Variants in SEMA3A observed in about 807,000 individuals in gnomAD.
The protein encoded by SEMA3A is semaphorin-3A.
In SEMA3A, 29 loss-of-function variants were observed where a neutral mutation model predicts 97.9. The ratio of observed to expected loss-of-function variants is 0.30; its 90% CI spans 0.22 to 0.40. The LOEUF is 0.40. Among genes scored for constraint, SEMA3A ranks in the 10% least tolerant of loss-of-function variants. The pLI is 1.00. For synonymous variants in SEMA3A, 321 were observed against 323.7 expected, an observed-to-expected ratio of 0.99 and a Z score of 0.09; for missense variants, 763 against 951.3, an observed-to-expected ratio of 0.80 and a Z score of 2.60.
intron 15 of SEMA3A, among the ~76,000 whole-genome samples, chr7:83,970,698 T>G (rs1344042709): frequency 1.3e-5 from 2 of 152,160 alleles, no homozygotes; most frequent in South Asian, 4.1e-4. Context: ...TGCCAATTAT[T>G]TTACATATTT....
intron 3 of SEMA3A, among the ~76,000 whole-genome samples, chr7:84,216,618 T>C (rs1488167908): frequency 6.6e-6 from 1 of 152,134 alleles, no homozygotes; most frequent in Non-Finnish European, 1.5e-5. Context: ...TGTGTAACAG[T>C]CATGCCTCTG....
intron 4 of SEMA3A, among the ~76,000 whole-genome samples, chr7:84,069,724 TACA>T (rs1449701458): frequency 2.4e-5 from 3 of 122,746 alleles, no homozygotes; most frequent in South Asian, 5.5e-4. Flanking sequence ...CTCTAAAAGT[TACA>T]ACATTACATA....
At chr7:84,107,163 C>T (rs1795134413) in intron 4 of SEMA3A, among the ~76,000 whole-genome samples, 2 of 152,168 alleles carry the variant, frequency 1.3e-5, no homozygotes, top group Admixed American at 1.3e-4. Flanking sequence ...ATTTCTCACT[C>T]TCCCGATCTA....
At chr7:84,275,235 C>T (rs1292396833) in intron 3 of SEMA3A, among the ~76,000 whole-genome samples, 1 of 152,006 alleles carries the variant, frequency 6.6e-6, no homozygotes, top group Non-Finnish European at 1.5e-5. Flanking sequence ...ACTTACCAGA[C>T]ATAGATAAGA....
chr7:84,284,024 G>A (rs2115755269), intron 3 of SEMA3A, among the ~76,000 whole-genome samples: 1 of 152,202 alleles, frequency 6.6e-6, no homozygotes, highest in Middle Eastern at 3.4e-3. Flanking sequence ...TAAATGCTAA[G>A]TCGCATACAA....
intron 3 of SEMA3A, among the ~76,000 whole-genome samples, chr7:84,296,663 T>A (rs1031669284): frequency 2.6e-5 from 4 of 152,132 alleles, no homozygotes; most frequent in African/African-American, 9.7e-5. Context: ...CCTGAAACAT[T>A]TTTATGATTG....
chr7:84,287,039 G>A (rs1389715222), intron 3 of SEMA3A, among the ~76,000 whole-genome samples: 2 of 151,846 alleles, frequency 1.3e-5, no homozygotes, highest in African/African-American at 2.4e-5. Flanking sequence ...GACTCACTAT[G>A]CTTCATATCA....
chr7:84,240,160 A>G (rs1456869377), intron 3 of SEMA3A, among the ~76,000 whole-genome samples: 1 of 152,206 alleles, frequency 6.6e-6, no homozygotes, highest in East Asian at 1.9e-4. Flanking sequence ...AATGGAGAGT[A>G]AAGATGGGAG....
At chr7:83,984,608 CTTTTTTTTTTTT>C (rs371082897) in intron 13 of SEMA3A, among the ~76,000 whole-genome samples, 70 of 98,886 alleles carry the variant, frequency 7.1e-4, no homozygotes, top group African/African-American at 2.3e-3. Context: ...GATTTTTCTG[CTTTTTTTTTTTT>C]TTTTTTTTTT....
intron 4 of SEMA3A, among the ~76,000 whole-genome samples, chr7:84,074,444 GA>G: frequency 2.0e-5 from 3 of 152,150 alleles, no homozygotes; most frequent in Non-Finnish European, 4.4e-5. Context: ...CATGAATAAA[GA>G]AAGTATAATT....
intron 1 of SEMA3A, among the ~76,000 whole-genome samples, chr7:84,406,726 G>C: frequency 2.0e-5 from 3 of 152,102 alleles, no homozygotes; most frequent in Admixed American, 6.6e-5. Context: ...CTTCATCCCT[G>C]GGATGCAAGG....
intron 1 of SEMA3A, among the ~76,000 whole-genome samples, chr7:84,185,120 T>C (rs754529953): frequency 1.3e-5 from 2 of 152,174 alleles, no homozygotes; most frequent in Non-Finnish European, 2.9e-5. Flanking sequence ...GTATATGACT[T>C]TTCTTGTACT....
chr7:84,459,017 T>C (rs1805757183), intron 1 of SEMA3A, among the ~76,000 whole-genome samples: 1 of 152,088 alleles, frequency 6.6e-6, no homozygotes, highest in South Asian at 2.1e-4. Context: ...TCCCAGCTCT[T>C]AATAAAATTC....
At chr7:84,247,269 A>C (rs941481956) in intron 3 of SEMA3A, among the ~76,000 whole-genome samples, 2 of 152,134 alleles carry the variant, frequency 1.3e-5, no homozygotes, top group Non-Finnish European at 2.9e-5. Flanking sequence ...TAGCTTTACA[A>C]ATTTTTAAAA....
chr7:84,074,147 A>G (rs1341157213), intron 4 of SEMA3A, among the ~76,000 whole-genome samples: 1 of 152,178 alleles, frequency 6.6e-6, no homozygotes, highest in Admixed American at 6.6e-5. Context: ...TTATTTTTAT[A>G]AATTAAATTA....
rs557005531 is a variant in SEMA3A, at chr7:84,107,810, A to C, written c.453+2660T>G. The stretch of plus-strand genomic sequence containing the variant: ...AAAATGATAAAAATGCAAGAATAGC[A>C]TATGGCATTTTAATTTAAATGACCA... On this transcript the variant is annotated intron_variant, in intron 4 of 16. Coordinates refer to ENST00000265362, the MANE Select transcript of SEMA3A (RefSeq NM_006080.3). Among the ~76,000 whole-genome samples, 4 of 152,330 alleles carry C rather than the reference A, an allele frequency of 2.6e-5. No homozygotes were observed. In the South Asian group the frequency reaches 8.3e-4, roughly 32 times the overall value.
At chr7:84,215,361 T>G (rs1798725075) in intron 3 of SEMA3A, among the ~76,000 whole-genome samples, 1 of 151,322 alleles carries the variant, frequency 6.6e-6, no homozygotes, top group African/African-American at 2.4e-5. Flanking sequence ...AATTTTTTTG[T>G]ATTTTTCATA....
intron 4 of SEMA3A, among the ~76,000 whole-genome samples, chr7:84,071,288 C>CTA (rs1793729833): frequency 6.6e-6 from 1 of 152,036 alleles, no homozygotes; most frequent in East Asian, 1.9e-4. Flanking sequence ...ATTCTGAATC[C>CTA]TATGCCCTTA....
At chr7:84,443,197 A>G (rs1805315574) in intron 1 of SEMA3A, among the ~76,000 whole-genome samples, 1 of 152,176 alleles carries the variant, frequency 6.6e-6, no homozygotes, top group Admixed American at 6.5e-5. Context: ...TGCACATGGA[A>G]TAATTTCAGG....
Sources: allele counts gnomAD v4.1 joint callset (sites outside exome capture counted in the v4.1 genomes callset), GRCh38; gene constraint gnomAD v4.1.1; transcripts MANE v1.5; gene names NCBI Gene and HGNC (gene_info 2026-07-23, HGNC 2026-07-21).